CFAP91: variants seen among roughly 807,000 people sequenced by gnomAD.
The protein encoded by CFAP91 is cilia and flagella associated protein 91.
In CFAP91, 85 loss-of-function variants were observed where a neutral mutation model predicts 95.9. That is an observed-to-expected ratio of 0.89 (90% CI 0.74 to 1.06). CFAP91 has a LOEUF of 1.06. Ranked by LOEUF, CFAP91 falls within the 50% of genes least tolerant of loss-of-function variation. The pLI is 0.00. For synonymous variants in CFAP91, 335 were observed against 327.5 expected, an observed-to-expected ratio of 1.02 and a Z score of -0.25; for missense variants, 962 against 943.4, an observed-to-expected ratio of 1.02 and a Z score of -0.26.
rs61742290 is a variant in CFAP91, at chr3:119,730,312, G to A, written c.953G>A (p.Arg318Gln). 1,286 of 1,614,086 alleles carry A rather than the reference G, an allele frequency of 8.0e-4. 6 individuals are homozygous for A. In the African/African-American group the frequency reaches 0.013, roughly 17 times the overall value. Residue 318 changes from arginine to glutamine, a missense_variant, in exon 8 of 18, where the codon CGG (arginine) becomes CAG (glutamine). Arg to Gln is a conservative substitution (Grantham distance 43). Coordinates refer to ENST00000273390, the MANE Select transcript of CFAP91 (RefSeq NM_033364.4). ...GTGAATATGAAGCACTTGAATGCCCGGTGGTCTAAACTGCAGGAGGGAAAA... is the reference window on the plus strand; with the variant it reads ...GTGAATATGAAGCACTTGAATGCCCAGTGGTCTAAACTGCAGGAGGGAAAA... ...NEVNMKHLNA[R>Q]WSKLQEGKEA...
intron 6 of CFAP91, among the ~76,000 whole-genome samples, chr3:119,721,084 T>C (rs563950471): frequency 1.6e-4 from 24 of 151,940 alleles, no homozygotes; most frequent in Admixed American, 1.5e-3. Flanking sequence ...TGAAGAAATA[T>C]GCAAAAAAAT....
chr3:119,748,740 T>G (rs2054270914), intron 16 of CFAP91, among the ~76,000 whole-genome samples: 1 of 152,236 alleles, frequency 6.6e-6, no homozygotes, highest in African/African-American at 2.4e-5. Context: ...GTGTAATTTT[T>G]AAACCAGTAC....
At chr3:119,734,371 G>A (rs898342257) in intron 10 of CFAP91, among the ~76,000 whole-genome samples, 3 of 151,828 alleles carry the variant, frequency 2.0e-5, no homozygotes, top group Non-Finnish European at 2.9e-5. Context: ...TCATCCCCAC[G>A]CCCCCATCTC....
At chr3:119,706,334 T>C (rs2053362070) in intron 1 of CFAP91, 1 of 152,390 alleles carries the variant, frequency 6.6e-6, no homozygotes, top group South Asian at 2.1e-4. Context: ...TTAACCGTGT[T>C]CACCAATTCT....
chr3:119,748,137 C>G (rs965710729), intron 16 of CFAP91, among the ~76,000 whole-genome samples: 2 of 152,080 alleles, frequency 1.3e-5, no homozygotes, highest in African/African-American at 4.8e-5. Flanking sequence ...AAATCCAAAC[C>G]TTGTTTAAAA....
At chr3:119,761,401 C>G (rs1055658294) in intron 17 of CFAP91, among the ~76,000 whole-genome samples, 1 of 151,628 alleles carries the variant, frequency 6.6e-6, no homozygotes, top group South Asian at 2.1e-4. Flanking sequence ...CAGGCAGGAC[C>G]CAATGGCTTC....
chr3:119,713,806 C>T (rs184827545), intron 5 of CFAP91, among the ~76,000 whole-genome samples: 1 of 151,872 alleles, frequency 6.6e-6, no homozygotes, highest in Non-Finnish European at 1.5e-5. Context: ...CTATACATAC[C>T]ATTTAATAGT....
intron 6 of CFAP91, among the ~76,000 whole-genome samples, chr3:119,722,285 C>T (rs2053701118): frequency 1.3e-5 from 2 of 151,828 alleles, no homozygotes; most frequent in South Asian, 4.2e-4. Flanking sequence ...GGTGAAACCC[C>T]GTCTCTACTA....
intron 17 of CFAP91, among the ~76,000 whole-genome samples, chr3:119,764,264 T>C (rs1308392166): frequency 6.6e-6 from 1 of 152,102 alleles, no homozygotes; most frequent in Non-Finnish European, 1.5e-5. Flanking sequence ...TTCAGGACAT[T>C]CATAAGCAGG....
Position 119,715,579 on chromosome 3 carries a change from T to G in CFAP91, c.518T>G (p.Phe173Cys). ...TCTTTTAGGGCAGAACCATACACTT[T>G]TCCTCCTACTTCTACTAAGCACCTA... ...YAVSKAEPYT[F>C]PPTSTKHLSI... Residue 173 changes from phenylalanine to cysteine, a missense_variant, in exon 6 of 18, where the codon TTT (phenylalanine) becomes TGT (cysteine). By Grantham distance (205) the Phe-to-Cys change is radical (BLOSUM62 -2). Coordinates refer to ENST00000273390, the MANE Select transcript of CFAP91 (RefSeq NM_033364.4). 6.2e-7 allele frequency: 1 copy of G among 1,614,096 alleles called. No individual in the cohort carries two copies. The highest frequency in any genetic ancestry group is 8.5e-7 in the Non-Finnish European group (1 of 1,179,956).
chr3:119,766,842 A>G lies in CFAP91; in HGVS notation c.*1792A>G, dbSNP rs2054639808. ...TAAAGGACATGTGTAATGAAACTTAAAATATGATATTTTCTTTAAAAATCT... is the reference window on the plus strand; with the variant it reads ...TAAAGGACATGTGTAATGAAACTTAGAATATGATATTTTCTTTAAAAATCT... On this transcript the variant is annotated 3_prime_UTR_variant, in exon 18 of 18. Transcript: ENST00000273390. The G allele has an allele frequency of 6.6e-6, 1 of 152,152 alleles. No homozygotes were observed. The highest frequency in any genetic ancestry group is 1.5e-5 in the Non-Finnish European group (1 of 68,050). 9.4% of individuals were successfully genotyped at this position (152,152 alleles called of 1,614,324 possible).
Position 119,740,559 on chromosome 3 carries a change from G to A in CFAP91, c.1544G>A (p.Gly515Glu), listed in dbSNP as rs868821505. 1.2e-6 allele frequency: 2 copies of A among 1,612,286 alleles called. No individual in the cohort carries two copies. Among genetic ancestry groups the A allele is most frequent in the Non-Finnish European group, 1.7e-6 (2 of 1,179,486 alleles). The change falls in exon 13 of 18, where the codon GGG becomes GAG. Residue 515 changes from glycine to glutamate, a missense_variant. Coordinates refer to ENST00000273390, the MANE Select transcript of CFAP91 (RefSeq NM_033364.4). ...TTTGATTTGATACAGATGTTTGAAG[G>A]GAAAGAAAAGCGACTGGAGTTGATC... is the stretch of plus-strand genomic sequence containing the variant. ...GRVVQNMMFE[G>E]KEKRLELIQE...
rs78976648 is a variant in CFAP91, at chr3:119,717,897, C to T, written c.682+2154C>T. Among the ~76,000 whole-genome samples, 246 of 152,196 alleles carry T rather than the reference C, an allele frequency of 1.6e-3. 1 individual carries two copies. Among genetic ancestry groups the T allele is most frequent in the African/African-American group, 5.5e-3 (229 of 41,528 alleles). ...CCCATGGAACCTTTGGAAGCAGGCT[C>T]GGGGCCATTTGTAGAAGGATTTCCA... On this transcript the variant is annotated intron_variant, in intron 6 of 17. Coordinates refer to ENST00000273390, the MANE Select transcript of CFAP91 (RefSeq NM_033364.4).
intron 5 of CFAP91, among the ~76,000 whole-genome samples, chr3:119,714,098 C>T (rs1034950860): frequency 1.3e-4 from 19 of 151,636 alleles, no homozygotes; most frequent in Admixed American, 1.2e-3. Flanking sequence ...CGCGGTGGCT[C>T]ACGCCTGTAA....
intron 6 of CFAP91, among the ~76,000 whole-genome samples, chr3:119,724,168 C>CAAAA (rs60965924): frequency 0.015 from 1,517 of 98,732 alleles, 26 homozygotes; most frequent in African/African-American, 0.054. Context: ...GACTTCATCT[C>CAAAA]AAAAAAAAAA....
rs548952887 is a variant in CFAP91 at position 119,737,629 on chromosome 3, A to G, written c.1461+147A>G. ...ATATTGTCTTTATTCTTATGTATCA[A>G]ACATCAGACACAGAAAAACAAACGA... On this transcript the variant is annotated intron_variant, in intron 11 of 17. Transcript: ENST00000273390. The G allele has an allele frequency of 1.7e-4, 83 of 494,168 alleles. 1 individual carries two copies. The highest frequency in any genetic ancestry group is 1.8e-4 in the Non-Finnish European group (50 of 274,194). 30.6% of individuals were successfully genotyped at this position (494,168 alleles called of 1,614,324 possible). A position where few individuals can be genotyped will look rare whatever the true frequency, so the allele number is the denominator to read the frequency against.
At chr3:119,703,938 CATG>C (rs1353311243) in intron 1 of CFAP91, among the ~76,000 whole-genome samples, 1 of 146,494 alleles carries the variant, frequency 6.8e-6, no homozygotes, top group Non-Finnish European at 1.5e-5. Flanking sequence ...CAGCTATAAG[CATG>C]ATTTTTTCCA....
chr3:119,725,799 G>A (rs7649214), intron 6 of CFAP91, among the ~76,000 whole-genome samples: 8,674 of 151,654 alleles, frequency 0.057, 815 homozygotes, highest in African/African-American at 0.2. Flanking sequence ...CACTTTTATC[G>A]AACAAATTCC....
intron 5 of CFAP91, among the ~76,000 whole-genome samples, chr3:119,714,262 A>T (rs2053531714): frequency 6.6e-6 from 1 of 151,590 alleles, no homozygotes; most frequent in East Asian, 1.9e-4. Flanking sequence ...GCTACTCGGA[A>T]GGCTGAGGCA....
Sources: gnomAD v4.1 joint callset for allele counts (sites outside exome capture counted in the v4.1 genomes callset) on GRCh38, gnomAD v4.1.1 for gene constraint, MANE v1.5 for transcripts, NCBI Gene and HGNC (gene_info 2026-07-23, HGNC 2026-07-21) for gene names.